Variants in QTMAN observed in about 807,000 individuals in gnomAD.
QTMAN encodes the protein queuosine-tRNA mannosyltransferase.
the QTMAN span, among the ~76,000 whole-genome samples, chr2:144,071,198 T>G: frequency 1.3e-5 from 2 of 152,092 alleles, no homozygotes; most frequent in East Asian, 3.9e-4. Context: ...GCCACTGTTT[T>G]TTTTTTTTTT....
chr2:144,100,880 T>C, the QTMAN span, among the ~76,000 whole-genome samples: 19 of 137,150 alleles, frequency 1.4e-4, no homozygotes, highest in South Asian at 4.3e-3. Context: ...TTTTTTTTTT[T>C]TTTTTTTGAG....
At chr2:144,288,263 ATC>A in the QTMAN span, among the ~76,000 whole-genome samples, 1 of 152,222 alleles carries the variant, frequency 6.6e-6, no homozygotes, top group Non-Finnish European at 1.5e-5. Context: ...CCAAAAGTTT[ATC>A]TGTTATCCCC....
the QTMAN span, among the ~76,000 whole-genome samples, chr2:144,050,531 T>A: frequency 6.6e-6 from 1 of 152,176 alleles, no homozygotes; most frequent in Non-Finnish European, 1.5e-5. Flanking sequence ...ATGGATTAAA[T>A]GTTAGCAATA....
the QTMAN span, among the ~76,000 whole-genome samples, chr2:144,308,810 C>T: frequency 6.6e-6 from 1 of 151,946 alleles, no homozygotes; most frequent in East Asian, 1.9e-4. Context: ...AAAGAAAGCA[C>T]AGACCACCAA....
At chr2:144,050,844 G>A in the QTMAN span, among the ~76,000 whole-genome samples, 1 of 151,802 alleles carries the variant, frequency 6.6e-6, no homozygotes. Flanking sequence ...TATTTTTTAG[G>A]GAATTATGAC....
chr2:144,077,481 A>G, the QTMAN span, among the ~76,000 whole-genome samples: 1 of 152,250 alleles, frequency 6.6e-6, no homozygotes, highest in African/African-American at 2.4e-5. Flanking sequence ...ACTGATCTAT[A>G]AATCTGTTTT....
At chr2:144,108,455 T>C in the QTMAN span, among the ~76,000 whole-genome samples, 1 of 152,006 alleles carries the variant, frequency 6.6e-6, no homozygotes, top group Admixed American at 6.6e-5. Flanking sequence ...TTGGCTAACA[T>C]GGTGAAACCC....
At chr2:144,139,201 C>T in the QTMAN span, among the ~76,000 whole-genome samples, 4 of 151,980 alleles carry the variant, frequency 2.6e-5, no homozygotes, top group Non-Finnish European at 4.4e-5. Flanking sequence ...AACCAATCTC[C>T]TTATTTATAT....
At chr2:143,991,577 G>A in the QTMAN span, among the ~76,000 whole-genome samples, 14 of 138,794 alleles carry the variant, frequency 1.0e-4, no homozygotes, top group East Asian at 2.3e-3. Context: ...TCAGCCCCCC[G>A]CCCGACCAGC....
the QTMAN span, among the ~76,000 whole-genome samples, chr2:143,999,758 T>C: frequency 1.3e-5 from 2 of 152,108 alleles, no homozygotes; most frequent in African/African-American, 2.4e-5. Flanking sequence ...TCCTGAGCAG[T>C]TGAAGATGAC....
the QTMAN span, chr2:143,952,002 T>C: frequency 6.3e-7 from 1 of 1,575,292 alleles, no homozygotes; most frequent in Non-Finnish European, 8.7e-7. Context: ...TGTTTTCTTA[T>C]AATATCTGGT....
the QTMAN span, among the ~76,000 whole-genome samples, chr2:144,235,991 A>G: frequency 6.6e-6 from 1 of 151,258 alleles, no homozygotes; most frequent in Non-Finnish European, 1.5e-5. Flanking sequence ...TATTATTATT[A>G]TTACTATTCA....
At chr2:143,986,829 T>C in the QTMAN span, among the ~76,000 whole-genome samples, 4 of 152,178 alleles carry the variant, frequency 2.6e-5, no homozygotes, top group East Asian at 1.9e-4. Flanking sequence ...TTGGGACTAA[T>C]TAACAGACCA....
At chr2:144,007,665 C>T in the QTMAN span, 4 of 622,890 alleles carry the variant, frequency 6.4e-6, no homozygotes, top group Admixed American at 1.1e-4. Context: ...TACAAAAATT[C>T]CAGAAAAAGT....
chr2:144,130,740 G>A, the QTMAN span, among the ~76,000 whole-genome samples: 1 of 151,854 alleles, frequency 6.6e-6, no homozygotes, highest in African/African-American at 2.4e-5. Context: ...AAAAAATGAG[G>A]TGGCAAAGGT....
chr2:144,249,100 T>G, the QTMAN span, among the ~76,000 whole-genome samples: 1 of 152,222 alleles, frequency 6.6e-6, no homozygotes, highest in Non-Finnish European at 1.5e-5. Flanking sequence ...AAGTCGAAAT[T>G]TAAATGTTTA....
the QTMAN span, among the ~76,000 whole-genome samples, chr2:144,033,498 C>T: frequency 6.6e-6 from 1 of 152,210 alleles, no homozygotes; most frequent in African/African-American, 2.4e-5. Context: ...GTGCACCCCC[C>T]TCCCAACACC....
the QTMAN span, among the ~76,000 whole-genome samples, chr2:144,051,990 C>T: frequency 3.3e-5 from 5 of 152,170 alleles, no homozygotes; most frequent in African/African-American, 4.8e-5. Flanking sequence ...TATAATTATA[C>T]TTATACATTA....
chr2:144,283,314 T>C, the QTMAN span, among the ~76,000 whole-genome samples: 9 of 152,172 alleles, frequency 5.9e-5, no homozygotes, highest in East Asian at 1.9e-4. Flanking sequence ...AGTTAAATTG[T>C]AGGATAACCA....
Sources: gnomAD v4.1 joint callset for allele counts (sites outside exome capture counted in the v4.1 genomes callset) on GRCh38, gnomAD v4.1.1 for gene constraint, MANE v1.5 for transcripts, NCBI Gene and HGNC (gene_info 2026-07-23, HGNC 2026-07-21) for gene names.